The following NLRX1 variants were observed in gnomAD, a reference collection of about 807,000 sequenced individuals.
The protein encoded by NLRX1 is NOD-like receptor X1.
NLRX1 carries 67 observed loss-of-function variants against 74.2 expected under a neutral mutation model. The ratio of observed to expected loss-of-function variants is 0.90; its 90% CI spans 0.74 to 1.11. The LOEUF (loss-of-function observed/expected upper bound fraction) is 1.11, where lower values mean the gene tolerates loss of function less well. Among genes scored for constraint, NLRX1 ranks in the 50% least tolerant of loss-of-function variants. The probability of loss-of-function intolerance (pLI) is 0.00; values close to 1 mark genes in which losing one functional copy is unlikely to be tolerated. For missense variants in NLRX1, 1,191 were observed against 1,305.4 expected (o/e 0.91, Z 1.35); for synonymous variants, 506 against 559.1 (o/e 0.91, Z 1.34).
At chr11:119,181,479 A>G in intron 8 of NLRX1, 1 of 536,032 alleles carries the variant, frequency 1.9e-6, no homozygotes, top group East Asian at 3.2e-5. Flanking sequence ...TCACGTGGCT[A>G]AAATCAGCCT....
At position 119,173,861 on chromosome 11, in the gene NLRX1, C is replaced by T. The variant is rs1192636461; in HGVS notation, c.612C>T (p.Ser204=). The part of the protein sequence containing the change: ...LIPFSCEDLS[S]LGPAPASLCQ... ...CCTTCTCCTGTGAGGACCTGTCATC[C>T]CTGGGCCCTGCCCCAGCCTCCCTGT... is the stretch of plus-strand genomic sequence containing the variant. Residue 204 remains serine, a synonymous_variant, in exon 5 of 10, where the codon TCC becomes TCT. Transcript: ENST00000409109. This position sits in a 1 kb window ranked among gnomAD's most constrained non-coding sequence, Gnocchi z 4.0. The T allele has an allele frequency of 6.2e-7, 1 of 1,613,546 alleles. No individual in the cohort carries two copies. The highest frequency in any genetic ancestry group is 1.3e-5 in the African/African-American group (1 of 75,032).
intron 6 of NLRX1, 97 bp downstream of exon 6, chr11:119,175,371 C>A: frequency 2.0e-6 from 2 of 1,023,316 alleles, no homozygotes; most frequent in Non-Finnish European, 2.9e-6. Context: ...TCACCCCTTG[C>A]TCCTCTCCCA....
rs201061583 is a variant in NLRX1, at chr11:119,182,335, G to C, written c.2596G>C (p.Glu866Gln). ...ARAAREHPSL[E>Q]LLHLYFNELS... ...AGCTGCCCGGGAGCACCCTTCCCTG[G>C]AACTGCTACAGTGAGTCCTGTCCCT... The change falls in exon 9 of 10, where the codon GAA becomes CAA. Residue 866 changes from glutamate to glutamine, a missense_variant. Transcript: ENST00000409109. The C allele has an allele frequency of 1.6e-4, 260 of 1,612,288 alleles. No individual in the cohort carries two copies. Among genetic ancestry groups the C allele is most frequent in the Non-Finnish European group, 2.0e-4 (237 of 1,179,812 alleles).
In NLRX1 at chr11:119,179,906, G is replaced by A. The variant is rs1257573629; in HGVS notation, c.1885G>A (p.Gly629Arg). Residue 629 changes from glycine (G) to arginine (R), a missense_variant, in exon 7 of 10, where the codon GGG (glycine) becomes AGG (arginine). Transcript: ENST00000409109. Reference sequence around the variant, plus strand: ...CGAGCTCTTCCCCATGTTCATGGGGGGGCTTCTCTCTGCCCACAACCGAGC... The same window carrying A: ...CGAGCTCTTCCCCATGTTCATGGGGAGGCTTCTCTCTGCCCACAACCGAGC... ...VFELFPMFMG[G>R]LLSAHNRAVL... 3.1e-6 allele frequency: 5 copies of A among 1,611,758 alleles called. No individual in the cohort carries two copies. Among genetic ancestry groups the A allele is most frequent in the Non-Finnish European group, 3.4e-6 (4 of 1,178,324 alleles).
At chr11:119,182,919 C>A (rs867282700) in intron 9 of NLRX1, among the ~76,000 whole-genome samples, 199 bp from the exon 10 acceptor site, 21 of 141,192 alleles carry the variant, frequency 1.5e-4, no homozygotes, top group South Asian at 1.1e-3. Flanking sequence ...AAAACAAAAA[C>A]AAAAAAAAAA....
intron 6 of NLRX1, among the ~76,000 whole-genome samples, 197 bp downstream of exon 6, chr11:119,175,471 G>C (rs1254643860): frequency 2.0e-5 from 3 of 152,220 alleles, no homozygotes; most frequent in Admixed American, 2.0e-4. Flanking sequence ...TGGGATTGCA[G>C]AGAGAGAAGC....
chr11:119,174,500 C>T lies in NLRX1; in HGVS notation c.897C>T (p.Pro299=). ...GGCCCTCTGCCATTGGCCGTATCCC[C>T]AGCAAGTACGTGGGCCGCTATGGTG... ...TTRPSAIGRI[P]SKYVGRYGEI... is the part of the protein sequence containing the mutation. Residue 299 remains proline (P), a synonymous_variant, in exon 6 of 10, where the codon CCC becomes CCT. Coordinates refer to ENST00000409109, the MANE Select transcript of NLRX1 (RefSeq NM_001282144.2). 1 of 1,614,238 alleles carries T rather than the reference C, an allele frequency of 6.2e-7. No individual in the cohort carries two copies. Among genetic ancestry groups the T allele is most frequent in the Non-Finnish European group, 8.5e-7 (1 of 1,180,042 alleles).
Position 119,174,839 on chromosome 11 carries a change from C to T in NLRX1, c.1236C>T (p.Asp412=). ...TCAACTTCAGCGGGGAAACCCTGGA[C>T]AGCACTGACCCCTCCAATTTGTCCC... is the stretch of plus-strand genomic sequence containing the variant. ...LRLNFSGETL[D]STDPSNLSLM... The change falls in exon 6 of 10, where the codon GAC becomes GAT. Residue 412 remains aspartate, a synonymous_variant. Transcript: ENST00000409109. The T allele has an allele frequency of 1.2e-6, 2 of 1,614,068 alleles. No homozygotes were observed.
At position 119,173,612 on chromosome 11, in the gene NLRX1, T is replaced by G. The variant is rs755054362; in HGVS notation, c.363T>G (p.Asp121Glu). The change falls in exon 5 of 10, where the codon GAT (aspartate) becomes GAG (glutamate). Residue 121 changes from aspartate to glutamate, a missense_variant. By Grantham distance (45) the Asp-to-Glu change is conservative (BLOSUM62 2). Coordinates refer to ENST00000409109, the MANE Select transcript of NLRX1 (RefSeq NM_001282144.2). The surrounding 1 kb of genome is among the most constrained non-coding windows in gnomAD (Gnocchi z 4.0). The part of the protein sequence containing the change: ...VDPVIRESTP[D>E]ELLRPPAELA... The stretch of plus-strand genomic sequence containing the variant: ...CTGTGATCCGCGAGAGTACCCCTGA[T>G]GAGCTACTTCGCCCACCCGCGGAGC... 2 of 1,614,110 alleles carry G rather than the reference T, an allele frequency of 1.2e-6. No homozygotes were observed. Among genetic ancestry groups the G allele is most frequent in the Non-Finnish European group, 8.5e-7 (1 of 1,180,028 alleles).
chr11:119,180,969 A>C (rs1948822633), intron 7 of NLRX1, among the ~76,000 whole-genome samples: 1 of 152,070 alleles, frequency 6.6e-6, no homozygotes, highest in African/African-American at 2.4e-5. Flanking sequence ...TGAGCCCAGG[A>C]GTCTGAGGCT....
intron 1 of NLRX1, among the ~76,000 whole-genome samples, chr11:119,170,000 GAAAAAAAAAAAAAAA>G (rs59630475): frequency 2.0e-3 from 80 of 40,342 alleles, no homozygotes; most frequent in Middle Eastern, 0.024. Context: ...CCTGTCTCAG[GAAAAAAAAAAAAAAA>G]AAAAAAAAAA....
At position 119,174,665 on chromosome 11, in the gene NLRX1, C is replaced by G. The variant is rs556391080; in HGVS notation, c.1062C>G (p.Leu354=). ...AGCGTGACCACCTGGTGCAGATGCT[C>G]TCCCGGAACCTGGAGGGGCACCACC... ...PAQRDHLVQM[L]SRNLEGHHQI... Residue 354 remains leucine (L), a synonymous_variant, in exon 6 of 10, where the codon CTC becomes CTG. Coordinates refer to ENST00000409109, the MANE Select transcript of NLRX1 (RefSeq NM_001282144.2). The G allele has an allele frequency of 3.1e-6, 5 of 1,614,016 alleles. 1 individual carries two copies. The highest frequency in any genetic ancestry group is 2.2e-5 in the South Asian group (2 of 91,084).
In NLRX1 at chr11:119,173,340, G is replaced by T. The variant is rs1948601559; in HGVS notation, c.230-139G>T. ...TCTGGACAGTCTATATTTTCTCAGG[G>T]AGTCTTGTGTGCCCACCATTGTGGG... On this transcript the variant is annotated intron_variant, in intron 4 of 9. Coordinates refer to ENST00000409109, the MANE Select transcript of NLRX1 (RefSeq NM_001282144.2). This position sits in a 1 kb window ranked among gnomAD's most constrained non-coding sequence, Gnocchi z 4.0. The T allele has an allele frequency of 7.7e-6, 7 of 913,026 alleles. No individual in the cohort carries two copies. In the South Asian group the frequency reaches 1.1e-4, roughly 15 times the overall value. The allele number at this position is 913,026 out of a possible 1,614,324, so 56.6% of individuals were successfully genotyped here.
At chr11:119,182,836 G>A (rs894918295) in intron 9 of NLRX1, among the ~76,000 whole-genome samples, 7 of 151,152 alleles carry the variant, frequency 4.6e-5, no homozygotes, top group African/African-American at 2.4e-5. Context: ...GCAGTAAGCC[G>A]AGATCATGCC....
In NLRX1 at chr11:119,183,570, A is replaced by T. The variant is rs1272829533; in HGVS notation, c.*131A>T. ...GGAGGCAGAGGAATGGGCATAGCTG[A>T]GCCAGTTGCCCTCCTAGGGCATGTT... On this transcript the variant is annotated 3_prime_UTR_variant, in exon 10 of 10. Transcript: ENST00000409109. The surrounding 1 kb of genome is among the most constrained non-coding windows in gnomAD (Gnocchi z 5.7). The T allele has an allele frequency of 2.2e-6, 2 of 926,556 alleles. No individual in the cohort carries two copies. The highest frequency in any genetic ancestry group is 3.4e-6 in the Non-Finnish European group (2 of 590,990). 57.4% of individuals were successfully genotyped at this position (926,556 alleles called of 1,614,324 possible). A position where few individuals can be genotyped will look rare whatever the true frequency, so the allele number is the denominator to read the frequency against.
rs1480792500 is a variant in NLRX1, at chr11:119,183,103, T to C, written c.2607-15T>C. 1 of 1,612,260 alleles carries C rather than the reference T, an allele frequency of 6.2e-7. No individual in the cohort carries two copies. Among genetic ancestry groups the C allele is most frequent in the Admixed American group, 1.7e-5 (1 of 59,764 alleles). ...GAGCTCTACTGAATGGCATCGACTT[T>C]CTCTCTCCTGCCAGCCTCTACTTCA... On this transcript the variant is annotated splice_polypyrimidine_tract_variant and intron_variant, in intron 9 of 9. Transcript: ENST00000409109. The surrounding 1 kb of genome is among the most constrained non-coding windows in gnomAD (Gnocchi z 5.7).
chr11:119,168,922 G>A lies in NLRX1; in HGVS notation c.-429G>A, dbSNP rs566529667. 45 of 152,434 alleles carry A rather than the reference G, an allele frequency of 3.0e-4. No individual in the cohort carries two copies. The highest frequency in any genetic ancestry group is 1.0e-3 in the African/African-American group (43 of 41,582). 9.4% of individuals were successfully genotyped at this position (152,434 alleles called of 1,614,324 possible). A position where few individuals can be genotyped will look rare whatever the true frequency, so the allele number is the denominator to read the frequency against. ...GCCAGGGCCGCGCAGGCGGGCGGAG[G>A]TGGGCAGGAAGCGCCACGCCGAGGA... On this transcript the variant is annotated 5_prime_UTR_variant, in exon 1 of 10. It adds an upstream start codon to the 5' untranslated region. Coordinates refer to ENST00000409109, the MANE Select transcript of NLRX1 (RefSeq NM_001282144.2).
Position 119,174,019 on chromosome 11 carries a change from GACTTTGT to G in NLRX1, c.772_778del (p.Leu258ValfsTer29). ...CTCGACTTCCGGCTGGCAGGCACGG[GACTTTGT>G]AGTGACCCGGAGGAACCGCAGGAAC... On this transcript the variant is annotated frameshift_variant, in exon 5 of 10. Transcript: ENST00000409109. LOFTEE classifies it high-confidence loss of function. 1 of 1,614,178 alleles carries G rather than the reference GACTTTGT, an allele frequency of 6.2e-7. No individual in the cohort carries two copies. Among genetic ancestry groups the G allele is most frequent in the Non-Finnish European group, 8.5e-7 (1 of 1,180,030 alleles).
chr11:119,172,208 C>T (rs1948568082), intron 2 of NLRX1, 148 bp from the exon 3 acceptor site: 2 of 658,336 alleles, frequency 3.0e-6, no homozygotes, highest in Non-Finnish European at 5.6e-6. Flanking sequence ...ATCGAATAAT[C>T]ACACAATGAA....
Sources: allele counts gnomAD v4.1 joint callset (sites outside exome capture counted in the v4.1 genomes callset), GRCh38; gene constraint gnomAD v4.1.1; non-coding constraint Gnocchi (gnomAD v3.1); transcripts MANE v1.5; gene names NCBI Gene and HGNC (gene_info 2026-07-23, HGNC 2026-07-21).